COQ8B: variants seen among roughly 807,000 people sequenced by gnomAD.
The protein encoded by COQ8B is atypical kinase COQ8B, mitochondrial.
A neutral mutation model predicts 62.0 loss-of-function variants in COQ8B; 44 were observed. The ratio of observed to expected loss-of-function variants is 0.71; its 90% CI spans 0.56 to 0.91. The LOEUF is 0.91. COQ8B is among the 40% of genes least tolerant of loss of function. COQ8B has a pLI of 0.00. For synonymous variants in COQ8B, 252 were observed against 289.9 expected (o/e 0.87, Z 1.33); for missense variants, 649 against 731.6 (o/e 0.89, Z 1.30).
chr19:40,715,457 C>T (rs1191668919), intron 1 of COQ8B: 5 of 985,446 alleles, frequency 5.1e-6, no homozygotes, highest in Non-Finnish European at 6.0e-6. Context: ...CCCTGGCAGG[C>T]TCAACACAAT....
At chr19:40,692,412 G>T in intron 14 of COQ8B, 39 bp from the exon 15 acceptor site, 2 of 1,584,382 alleles carry the variant, frequency 1.3e-6, no homozygotes, top group Non-Finnish European at 1.7e-6. Flanking sequence ...GGCAGCCAGT[G>T]TGGACATAGA....
chr19:40,692,006 T>C lies in COQ8B; in HGVS notation c.*29A>G. On this transcript the variant is annotated 3_prime_UTR_variant, in exon 15 of 15. Transcript: ENST00000324464. The stretch of plus-strand genomic sequence containing the variant: ...GGCACTACAGCAGGGTACGGCCTGC[T>C]CTGGGGACTGAATCCCCCATGGAGG... The C allele has an allele frequency of 6.4e-7, 1 of 1,560,786 alleles. No homozygotes were observed. The highest frequency in any genetic ancestry group is 8.7e-7 in the Non-Finnish European group (1 of 1,151,114).
intron 13 of COQ8B, among the ~76,000 whole-genome samples, chr19:40,693,798 A>G (rs1342566579): frequency 1.3e-5 from 2 of 152,062 alleles, no homozygotes; most frequent in Non-Finnish European, 2.9e-5. Context: ...ACTATAATCT[A>G]CCATTATTAA....
intron 12 of COQ8B, 26 bp downstream of exon 12, chr19:40,700,041 C>T (rs777039616): frequency 1.3e-6 from 2 of 1,595,862 alleles, no homozygotes; most frequent in African/African-American, 2.7e-5. Context: ...GCAAATGTAC[C>T]CAGACACACA....
intron 5 of COQ8B, among the ~76,000 whole-genome samples, chr19:40,706,134 A>C (rs1033436208): frequency 6.6e-6 from 1 of 152,072 alleles, no homozygotes; most frequent in Non-Finnish European, 1.5e-5. Context: ...TGATATAAAG[A>C]GCAAAACAAG....
intron 10 of COQ8B, among the ~76,000 whole-genome samples, chr19:40,702,344 T>A (rs1319782920): frequency 2.0e-5 from 3 of 152,126 alleles, no homozygotes; most frequent in Non-Finnish European, 2.9e-5. Context: ...TAAGTGCCTG[T>A]GTCGGACCAC....
intron 12 of COQ8B, among the ~76,000 whole-genome samples, chr19:40,697,855 G>T (rs867336772): frequency 2.1e-4 from 22 of 102,894 alleles, no homozygotes; most frequent in African/African-American, 3.6e-4. Flanking sequence ...TATATATAGA[G>T]AGAGAGAGAG....
At chr19:40,716,255 C>T (rs1051838266) in intron 1 of COQ8B, among the ~76,000 whole-genome samples, 2 of 152,192 alleles carry the variant, frequency 1.3e-5, no homozygotes, top group Non-Finnish European at 2.9e-5. Context: ...CACCTCCTCT[C>T]CCCCTTCAGA....
In COQ8B at chr19:40,705,280, G is replaced by T. The variant is rs747808667; in HGVS notation, c.490+45C>A. ...GGGGCCTGTTGGTGGGTAGGGCTGG[G>T]GTAGAAGGGAGGTCAGGGGTCAGGA... On this transcript the variant is annotated intron_variant, in intron 6 of 14. Transcript: ENST00000324464. The T allele has an allele frequency of 5.0e-6, 8 of 1,584,528 alleles. 1 individual carries two copies. The South Asian group carries it at 9.1e-5, about 18-fold the overall frequency.
At chr19:40,706,799 T>G (rs1176234606) in intron 5 of COQ8B, among the ~76,000 whole-genome samples, 1 of 152,222 alleles carries the variant, frequency 6.6e-6, no homozygotes, top group Non-Finnish European at 1.5e-5. Flanking sequence ...TGGTAGACAT[T>G]GATAACTATA....
intron 4 of COQ8B, among the ~76,000 whole-genome samples, chr19:40,711,551 C>A (rs2082142019): frequency 6.6e-6 from 1 of 152,160 alleles, no homozygotes; most frequent in South Asian, 2.1e-4. Context: ...GTTATTTCTG[C>A]ATCTCTTGCC....
chr19:40,700,113 G>A lies in COQ8B; in HGVS notation c.1097C>T (p.Thr366Ile), dbSNP rs1179814769. The change falls in exon 12 of 15, where the codon ACT becomes ATT. Residue 366 changes from threonine to isoleucine, a missense_variant. Coordinates refer to ENST00000324464, the MANE Select transcript of COQ8B (RefSeq NM_024876.4). ...CAGGAAGTTGGCCCAGTTGGGGTCAGTCTGCATGAATCGGAACTCAAACAG... is the reference window on the plus strand; with the variant it reads ...CAGGAAGTTGGCCCAGTTGGGGTCAATCTGCATGAATCGGAACTCAAACAG... ...RELFEFRFMQ[T>I]DPNWANFLYD... 1 of 1,614,268 alleles carries A rather than the reference G, an allele frequency of 6.2e-7. No individual in the cohort carries two copies. Among genetic ancestry groups the A allele is most frequent in the African/African-American group, 1.3e-5 (1 of 75,070 alleles).
At chr19:40,714,178 T>C (rs1436820945) in intron 3 of COQ8B, 45 bp from the exon 4 acceptor site, 1 of 1,612,388 alleles carries the variant, frequency 6.2e-7, no homozygotes, top group Non-Finnish European at 8.5e-7. Flanking sequence ...GTGGGCATCG[T>C]GGCCAGAGAG....
chr19:40,697,544 C>T (rs2082023456), intron 12 of COQ8B, among the ~76,000 whole-genome samples: 1 of 152,016 alleles, frequency 6.6e-6, no homozygotes, highest in Non-Finnish European at 1.5e-5. Flanking sequence ...CACCTGTAAT[C>T]CCAGCATTTT....
chr19:40,703,687 C>T (rs769169423), intron 8 of COQ8B, 28 bp downstream of exon 8: 69 of 1,613,914 alleles, frequency 4.3e-5, no homozygotes, highest in Non-Finnish European at 5.7e-5. Context: ...GGGTGCCCGC[C>T]CCTACCCTGC....
rs77510063 is a variant in COQ8B at position 40,700,861 on chromosome 19, T to C, written c.894-410A>G. 3.2e-3 allele frequency: 624 copies of C among 192,472 alleles called. 2 individuals are homozygous for C. Among genetic ancestry groups the C allele is most frequent in the African/African-American group, 0.014 (607 of 43,682 alleles). 11.9% of individuals were successfully genotyped at this position (192,472 alleles called of 1,614,324 possible). On this transcript the variant is annotated intron_variant, in intron 10 of 14. Coordinates refer to ENST00000324464, the MANE Select transcript of COQ8B (RefSeq NM_024876.4). ...TCTGTGAAGTCTATAGTGATACCCA[T>C]GGGTCAGTCCTTGCAATCACTACTC...
At chr19:40,715,447 C>A (rs2082178573) in intron 1 of COQ8B, 1 of 985,498 alleles carries the variant, frequency 1.0e-6, no homozygotes, top group Non-Finnish European at 1.2e-6. Context: ...TTATTTTTAC[C>A]CCTGGCAGGC....
rs1317425388 is a variant in COQ8B, at chr19:40,714,347, C to T, written c.153G>A (p.Gly51=). ...WAQKFYQDGP[G]RGLGEEDIRR... The stretch of plus-strand genomic sequence containing the variant: ...GAATGTCCTCCTCACCCAGGCCTCT[C>T]CCAGGCCCATCCTGGTAAAACTTTT... The change falls in exon 3 of 15, where the codon GGG becomes GGA. Residue 51 remains glycine, a synonymous_variant. Coordinates refer to ENST00000324464, the MANE Select transcript of COQ8B (RefSeq NM_024876.4). The T allele has an allele frequency of 7.4e-6, 12 of 1,614,028 alleles. No homozygotes were observed. The highest frequency in any genetic ancestry group is 9.3e-6 in the Non-Finnish European group (11 of 1,180,018).
rs1306418495 is a variant in COQ8B at position 40,692,967 on chromosome 19, G to A, written c.1280C>T (p.Thr427Ile). ...LQKSRDLKFLTGFETKAFSDA... is the reference protein window; with the variant it reads ...LQKSRDLKFLIGFETKAFSDA... The stretch of plus-strand genomic sequence containing the variant: ...TCTCCCCACCTTGGTTTCAAAGCCT[G>A]TGAGGAATTTGAGGTCCCTGGACTT... Residue 427 changes from threonine to isoleucine, a missense_variant, in exon 14 of 15, where the codon ACA becomes ATA. Coordinates refer to ENST00000324464, the MANE Select transcript of COQ8B (RefSeq NM_024876.4). 11 of 1,613,922 alleles carry A rather than the reference G, an allele frequency of 6.8e-6. No individual in the cohort carries two copies. Among genetic ancestry groups the A allele is most frequent in the Non-Finnish European group, 8.5e-6 (10 of 1,179,876 alleles).
Sources: gnomAD v4.1 joint callset for allele counts (sites outside exome capture counted in the v4.1 genomes callset) on GRCh38, gnomAD v4.1.1 for gene constraint, MANE v1.5 for transcripts, NCBI Gene and HGNC (gene_info 2026-07-23, HGNC 2026-07-21) for gene names.